PAPSS2: variants seen among roughly 807,000 people sequenced by gnomAD.
PAPSS2 encodes bifunctional 3'-phosphoadenosine 5'-phosphosulfate synthase 2.
PAPSS2 carries 61 observed loss-of-function variants against 66.5 expected under a neutral mutation model. The observed-to-expected ratio is 0.92, with a 90% confidence interval of 0.75 to 1.14. The LOEUF is 1.14. Ranked by LOEUF, PAPSS2 falls within the 50% of genes most tolerant of loss-of-function variation. PAPSS2 has a pLI of 0.00. For missense variants in PAPSS2, 708 were observed against 789.6 expected (o/e 0.90, Z 1.24); for synonymous variants, 289 against 287.5 (o/e 1.01, Z -0.05).
chr10:87,715,481 G>A (rs1313886537), intron 6 of PAPSS2, among the ~76,000 whole-genome samples: 1 of 152,206 alleles, frequency 6.6e-6, no homozygotes, highest in East Asian at 1.9e-4. Context: ...TTTGGGAATA[G>A]ATACAACCTA....
intron 7 of PAPSS2, among the ~76,000 whole-genome samples, chr10:87,717,751 G>C (rs1454891614): frequency 2.0e-5 from 3 of 151,992 alleles, no homozygotes; most frequent in Admixed American, 1.3e-4. Flanking sequence ...GTTTTGTAGA[G>C]ATAAGGTCTC....
At chr10:87,739,115 T>A (rs932422974) in intron 9 of PAPSS2, among the ~76,000 whole-genome samples, 1 of 152,214 alleles carries the variant, frequency 6.6e-6, no homozygotes. Flanking sequence ...TCCCTTATAT[T>A]TTTTGTAAGA....
At chr10:87,727,637 T>C in intron 9 of PAPSS2, 148 bp downstream of exon 9, 1 of 750,266 alleles carries the variant, frequency 1.3e-6, no homozygotes, top group East Asian at 2.7e-5. Context: ...AGGCTTTGCC[T>C]CAGGAGATGT....
chr10:87,665,694 T>TTAA (rs1191806825), intron 1 of PAPSS2, among the ~76,000 whole-genome samples: 3 of 152,200 alleles, frequency 2.0e-5, no homozygotes, highest in African/African-American at 7.2e-5. Flanking sequence ...GGTTCACCCT[T>TTAA]ATTTTTAGAG....
chr10:87,709,509 A>C (rs1215824669), intron 2 of PAPSS2, among the ~76,000 whole-genome samples, 196 bp downstream of exon 2: 1 of 152,190 alleles, frequency 6.6e-6, no homozygotes, highest in Non-Finnish European at 1.5e-5. Flanking sequence ...CTACAGAAAT[A>C]AGAGTCTGAT....
chr10:87,715,658 A>G (rs1396172661), intron 6 of PAPSS2, 74 bp from the exon 7 acceptor site: 1 of 896,824 alleles, frequency 1.1e-6, no homozygotes, highest in Non-Finnish European at 1.9e-6. Flanking sequence ...CTGAATAAGA[A>G]AGGACTTCCC....
intron 1 of PAPSS2, among the ~76,000 whole-genome samples, chr10:87,689,537 A>G (rs1323765486): frequency 1.3e-4 from 17 of 131,988 alleles, no homozygotes; most frequent in Non-Finnish European, 2.4e-4. Flanking sequence ...GTGGTGGCGC[A>G]TGCCTATAAT....
chr10:87,717,274 CA>C (rs1316890756), intron 7 of PAPSS2, among the ~76,000 whole-genome samples: 4 of 152,166 alleles, frequency 2.6e-5, no homozygotes, highest in African/African-American at 9.7e-5. Context: ...GAGCTGTGGC[CA>C]AAAGACAAGT....
In PAPSS2 at chr10:87,659,892, C is replaced by CTGA. The variant is rs949360686; in HGVS notation, c.-88_-87insATG. 1 of 1,319,826 alleles carries CTGA rather than the reference C, an allele frequency of 7.6e-7. No homozygotes were observed. Among genetic ancestry groups the CTGA allele is most frequent in the Non-Finnish European group, 1.1e-6 (1 of 919,178 alleles). 81.8% of individuals were successfully genotyped at this position (1,319,826 alleles called of 1,614,324 possible). A position where few individuals can be genotyped will look rare whatever the true frequency, so the allele number is the denominator to read the frequency against. On this transcript the variant is annotated 5_prime_UTR_variant, in exon 1 of 13. In the 5' UTR this introduces an upstream ATG that the reference lacks. Transcript: ENST00000456849. ...GGGAGTCCGGCAGCCGCTGCTGCTGCTGCTGCTGCTGCTGCCGCCGCCGCC... is the reference window on the plus strand; with the variant it reads ...GGGAGTCCGGCAGCCGCTGCTGCTGCTGATGCTGCTGCTGCTGCCGCCGCCGCC...
chr10:87,727,185 A>C lies in PAPSS2; in HGVS notation c.881-99A>C, dbSNP rs17127033. 2.9e-6 allele frequency: 3 copies of C among 1,025,920 alleles called. No individual in the cohort carries two copies. In the Admixed American group the frequency reaches 5.2e-5, roughly 18 times the overall value. 63.6% of individuals were successfully genotyped at this position (1,025,920 alleles called of 1,614,324 possible). A position where few individuals can be genotyped will look rare whatever the true frequency, so the allele number is the denominator to read the frequency against. On this transcript the variant is annotated intron_variant, in intron 8 of 12. Transcript: ENST00000456849. ...GGATTTGGGTCTTAATGCTTCTTGA[A>C]GGAAATGTTTGGAAGGGGCATTGTG...
rs189827123 is a variant in PAPSS2 at position 87,741,958 on chromosome 10, A to G, written c.1222+588A>G. 4.0e-3 allele frequency among the ~76,000 whole-genome samples: 602 copies of G among 151,790 alleles called. 2 individuals carry two copies. Among genetic ancestry groups the G allele is most frequent in the Admixed American group, 8.7e-3 (133 of 15,246 alleles). On this transcript the variant is annotated intron_variant, in intron 10 of 12. Transcript: ENST00000456849. Reference sequence around the variant, plus strand: ...TTTTTTTGTAGAAATGGGTCTCACTATGTTTTCCAGGCTGGTCTTGAACTC... The same window carrying G: ...TTTTTTTGTAGAAATGGGTCTCACTGTGTTTTCCAGGCTGGTCTTGAACTC...
chr10:87,673,645 C>T (rs1852907644), intron 1 of PAPSS2, among the ~76,000 whole-genome samples: 1 of 149,660 alleles, frequency 6.7e-6, no homozygotes, highest in African/African-American at 2.5e-5. Context: ...GGTTTTCCCC[C>T]TCAAGATGCC....
At chr10:87,719,845 C>T (rs1157993710) in intron 7 of PAPSS2, among the ~76,000 whole-genome samples, 1 of 152,086 alleles carries the variant, frequency 6.6e-6, no homozygotes, top group Admixed American at 6.6e-5. Flanking sequence ...TCCCGCCCCC[C>T]ATCAGTGGTT....
intron 1 of PAPSS2, among the ~76,000 whole-genome samples, chr10:87,688,712 C>T (rs1589424993): frequency 6.6e-6 from 1 of 152,040 alleles, no homozygotes; most frequent in East Asian, 1.9e-4. Flanking sequence ...CCGCCTCGGC[C>T]TCCCAAAGTG....
Position 87,715,079 on chromosome 10 carries a change from C to T in PAPSS2, c.734C>T (p.Pro245Leu). 1.2e-6 allele frequency: 2 copies of T among 1,606,002 alleles called. No individual in the cohort carries two copies. Among genetic ancestry groups the T allele is most frequent in the Non-Finnish European group, 1.7e-6 (2 of 1,172,726 alleles). Reference protein sequence around the residue: ...DHVRAEAETLPSLSITKLDLQ... With the variant: ...DHVRAEAETLLSLSITKLDLQ... ...GTCCGAGCTGAGGCTGAAACTCTCC[C>T]TTCATTATCAATTACTAAGGTAAGT... Residue 245 changes from proline to leucine, a missense_variant, in exon 6 of 13, where the codon CCT (proline) becomes CTT (leucine). Pro to Leu is a moderately conservative substitution (Grantham distance 98). Transcript: ENST00000456849.
At chr10:87,723,164 A>T (rs775277198) in intron 8 of PAPSS2, among the ~76,000 whole-genome samples, 5 of 152,212 alleles carry the variant, frequency 3.3e-5, no homozygotes, top group Non-Finnish European at 5.9e-5. Context: ...CGGCCAAGTC[A>T]TTCTTTATAA....
intron 9 of PAPSS2, among the ~76,000 whole-genome samples, chr10:87,728,538 G>A (rs536077680): frequency 5.8e-4 from 88 of 152,268 alleles, no homozygotes; most frequent in African/African-American, 2.0e-3. Flanking sequence ...TCGGGAGTTC[G>A]AGAACAGCCT....
At chr10:87,701,327 C>CCTTCCTTT (rs1354912090) in intron 1 of PAPSS2, among the ~76,000 whole-genome samples, 53 of 72,222 alleles carry the variant, frequency 7.3e-4, no homozygotes, top group South Asian at 2.1e-3. Flanking sequence ...TTCCTTCCTT[C>CCTTCCTTT]CTTTCTTTCT....
intron 1 of PAPSS2, among the ~76,000 whole-genome samples, chr10:87,695,749 G>A (rs1853224456): frequency 1.3e-5 from 2 of 152,188 alleles, no homozygotes; most frequent in South Asian, 4.1e-4. Context: ...TACATAATTA[G>A]AGAGGAAGGA....
Sources: allele counts gnomAD v4.1 joint callset (sites outside exome capture counted in the v4.1 genomes callset), GRCh38; gene constraint gnomAD v4.1.1; transcripts MANE v1.5; gene names NCBI Gene and HGNC (gene_info 2026-07-23, HGNC 2026-07-21).